MCM6: variants seen among roughly 807,000 people sequenced by gnomAD.
The protein encoded by MCM6 is DNA replication licensing factor MCM6.
A neutral mutation model predicts 94.3 loss-of-function variants in MCM6; 46 were observed. That is an observed-to-expected ratio of 0.49 (90% CI 0.39 to 0.62). The LOEUF (loss-of-function observed/expected upper bound fraction) is 0.62, where lower values mean the gene tolerates loss of function less well. MCM6 is among the 20% of genes least tolerant of loss of function. MCM6 has a pLI of 0.00. For synonymous variants in MCM6, 335 were observed against 351.9 expected (o/e 0.95, Z 0.54); for missense variants, 865 against 1,017.9 (o/e 0.85, Z 2.04).
At chr2:135,856,022 A>G (rs908864090) in intron 11 of MCM6, among the ~76,000 whole-genome samples, 10 of 152,184 alleles carry the variant, frequency 6.6e-5, no homozygotes, top group Non-Finnish European at 1.5e-4. Flanking sequence ...ACAAAGATAA[A>G]TGACTCATGA....
chr2:135,840,753 C>T lies in MCM6; in HGVS notation c.*82G>A, dbSNP rs1679553069. The T allele has an allele frequency of 1.1e-6, 1 of 910,400 alleles. No homozygotes were observed. The highest frequency in any genetic ancestry group is 1.8e-6 in the Non-Finnish European group (1 of 550,184). 56.4% of individuals were successfully genotyped at this position (910,400 alleles called of 1,614,324 possible). A position where few individuals can be genotyped will look rare whatever the true frequency, so the allele number is the denominator to read the frequency against. ...GCATCACTTCCAGAAACACTTCTGT[C>T]CCTAGCAGAGCTCCAGCCAGGCTCC... On this transcript the variant is annotated 3_prime_UTR_variant, in exon 17 of 17. Coordinates refer to ENST00000264156, the MANE Select transcript of MCM6 (RefSeq NM_005915.6).
chr2:135,841,099 T>C (rs1679562053), intron 16 of MCM6, 148 bp from the exon 17 acceptor site: 1 of 636,098 alleles, frequency 1.6e-6, no homozygotes, highest in Non-Finnish European at 2.8e-6. Context: ...GACCACACTT[T>C]AAAAATCACT....
At chr2:135,843,718 G>A (rs1488931732) in intron 16 of MCM6, among the ~76,000 whole-genome samples, 8 of 124,356 alleles carry the variant, frequency 6.4e-5, no homozygotes, top group African/African-American at 1.6e-4. Flanking sequence ...CAACAAGAGC[G>A]AAACTCTGTC....
chr2:135,842,049 G>A (rs1190933905), intron 16 of MCM6, among the ~76,000 whole-genome samples: 1 of 152,088 alleles, frequency 6.6e-6, no homozygotes, highest in Non-Finnish European at 1.5e-5. Context: ...AAGTTGCGGC[G>A]AGCTGAGATC....
Position 135,876,245 on chromosome 2 carries a change from G to C in MCM6, c.107+14C>G. 6.3e-7 allele frequency: 1 copy of C among 1,575,592 alleles called. No individual in the cohort carries two copies. The highest frequency in any genetic ancestry group is 8.6e-7 in the Non-Finnish European group (1 of 1,163,650). On this transcript the variant is annotated intron_variant, in intron 1 of 16. Transcript: ENST00000264156. ...TCCGGAGGCGGGCGAGGCCCGGGGCGCTCGCCGACTTACTCCTCCAAGAAG... is the reference window on the plus strand; with the variant it reads ...TCCGGAGGCGGGCGAGGCCCGGGGCCCTCGCCGACTTACTCCTCCAAGAAG...
chr2:135,846,110 T>G, intron 15 of MCM6, 127 bp downstream of exon 15: 3 of 878,526 alleles, frequency 3.4e-6, no homozygotes, highest in Non-Finnish European at 5.2e-6. Context: ...TTTGCTAAAG[T>G]GAGTTTATCT....
At chr2:135,845,839 T>C (rs1679660834) in intron 15 of MCM6, among the ~76,000 whole-genome samples, 1 of 152,226 alleles carries the variant, frequency 6.6e-6, no homozygotes, top group Non-Finnish European at 1.5e-5. Context: ...GGCCTTTTGA[T>C]AGTATAGATT....
At position 135,840,909 on chromosome 2, in the gene MCM6, A is replaced by C; in HGVS notation, c.2392T>G (p.Ser798Ala). 1 of 1,614,140 alleles carries C rather than the reference A, an allele frequency of 6.2e-7. No homozygotes were observed. The highest frequency in any genetic ancestry group is 1.1e-5 in the South Asian group (1 of 91,086). ...TCATAGCTCTCACTTCCCTCTGTGG[A>C]GCCTTTCAATCCAGCCTGGGTGAGC... is the stretch of plus-strand genomic sequence containing the variant. ...IELTQAGLKG[S>A]TEGSESYEED... Residue 798 changes from serine (S) to alanine (A), a missense_variant, in exon 17 of 17, where the codon TCC becomes GCC. Around this residue, in one of 3 missense-constraint regions of MCM6, gnomAD observed 308 missense variants for 324.5 expected, o/e 0.95. Transcript: ENST00000264156.
chr2:135,857,500 T>C (rs1679913392), intron 10 of MCM6, among the ~76,000 whole-genome samples: 2 of 152,192 alleles, frequency 1.3e-5, no homozygotes, highest in South Asian at 4.1e-4. Flanking sequence ...TAAAAGCTAC[T>C]TGAATCTGTA....
At chr2:135,860,371 T>G (rs1363704325) in intron 8 of MCM6, among the ~76,000 whole-genome samples, 1 of 151,222 alleles carries the variant, frequency 6.6e-6, no homozygotes, top group African/African-American at 2.4e-5. Flanking sequence ...CCTGACCTCA[T>G]GATCCACCCA....
At chr2:135,859,530 G>A (rs866105328) in intron 8 of MCM6, 88 bp from the exon 9 acceptor site, 2 of 874,218 alleles carry the variant, frequency 2.3e-6, no homozygotes, top group Non-Finnish European at 3.4e-6. Context: ...TTAAATTACT[G>A]AAAGAACATT....
chr2:135,843,381 A>C (rs1679608360), intron 16 of MCM6, among the ~76,000 whole-genome samples: 1 of 152,206 alleles, frequency 6.6e-6, no homozygotes, highest in Non-Finnish European at 1.5e-5. Context: ...ATAAATTCAT[A>C]AAACCAAATG....
intron 16 of MCM6, among the ~76,000 whole-genome samples, chr2:135,843,539 C>T (rs1474626096): frequency 6.6e-6 from 1 of 151,750 alleles, no homozygotes; most frequent in Non-Finnish European, 1.5e-5. Flanking sequence ...TCTAGATCAG[C>T]CTGGCCAACA....
Position 135,862,744 on chromosome 2 carries a change from A to G in MCM6, c.1083T>C (p.Asn361=), listed in dbSNP as rs768116562. ...CTSLFPTIHG[N]DEVKRGVLLM... ...GCAGGACACCCCGTTTTACTTCATCATTGCCTGAAATGAAAAGAAGCTACA... is the reference window on the plus strand; with the variant it reads ...GCAGGACACCCCGTTTTACTTCATCGTTGCCTGAAATGAAAAGAAGCTACA... Residue 361 remains asparagine (N), a synonymous_variant, in exon 8 of 17, where the codon AAT becomes AAC. Coordinates refer to ENST00000264156, the MANE Select transcript of MCM6 (RefSeq NM_005915.6). The G allele has an allele frequency of 3.1e-6, 5 of 1,613,216 alleles. No individual in the cohort carries two copies. The Admixed American group carries it at 8.4e-5, about 27-fold the overall frequency.
chr2:135,843,945 A>C (rs1679627499), intron 16 of MCM6, among the ~76,000 whole-genome samples: 1 of 151,922 alleles, frequency 6.6e-6, no homozygotes, highest in Non-Finnish European at 1.5e-5. Flanking sequence ...GGCCTGTGAG[A>C]GAGTGAGGCA....
chr2:135,862,624 A>G lies in MCM6; in HGVS notation c.1203T>C (p.Ala401=), dbSNP rs768171764. The change falls in exon 8 of 17, where the codon GCT becomes GCC. Residue 401 remains alanine, a synonymous_variant. Coordinates refer to ENST00000264156, the MANE Select transcript of MCM6 (RefSeq NM_005915.6). ...NVCIVGDPST[A]KSQFLKHVEE... is the part of the protein sequence containing the mutation. ...ACGCTTACTTGAGAAATTGGCTCTT[A>G]GCTGTACTTGGGTCACCAACAATGC... 6.2e-6 allele frequency: 10 copies of G among 1,614,084 alleles called. No homozygotes were observed. The South Asian group carries it at 9.9e-5, about 16-fold the overall frequency.
intron 1 of MCM6, among the ~76,000 whole-genome samples, chr2:135,873,703 G>A (rs1258508201): frequency 2.0e-5 from 3 of 152,182 alleles, no homozygotes; most frequent in Non-Finnish European, 2.9e-5. Context: ...TGTTGTTCCT[G>A]CCCTAGGGTT....
At chr2:135,855,529 G>C (rs1452357451) in intron 11 of MCM6, among the ~76,000 whole-genome samples, 1 of 152,126 alleles carries the variant, frequency 6.6e-6, no homozygotes, top group Non-Finnish European at 1.5e-5. Flanking sequence ...AACCAGGCAT[G>C]GTGGTACAGA....
intron 1 of MCM6, among the ~76,000 whole-genome samples, chr2:135,874,018 A>C (rs1021431682): frequency 4.6e-5 from 7 of 152,226 alleles, no homozygotes; most frequent in African/African-American, 1.7e-4. Context: ...TGTAAGACAA[A>C]CAGGAAAGAG....
Sources: gnomAD v4.1 joint callset for allele counts (sites outside exome capture counted in the v4.1 genomes callset) on GRCh38, gnomAD v4.1.1 for gene constraint, gnomAD v4.1.1 regional missense constraint, MANE v1.5 for transcripts, NCBI Gene and HGNC (gene_info 2026-07-23, HGNC 2026-07-21) for gene names.